Variants in SHC3 observed in about 807,000 individuals in gnomAD.
SHC3 encodes the protein SHC-transforming protein 3.
A neutral mutation model predicts 60.4 loss-of-function variants in SHC3; 15 were observed. The observed-to-expected ratio is 0.25, with a 90% confidence interval of 0.17 to 0.38. The LOEUF is 0.38. SHC3 is among the 10% of genes least tolerant of loss of function. The pLI, the probability that SHC3 is intolerant of heterozygous loss-of-function variation, is 1.00. For missense variants in SHC3, 677 were observed against 786.1 expected (o/e 0.86, Z 1.66); for synonymous variants, 294 against 325.9 (o/e 0.90, Z 1.05).
chr9:89,097,841 T>C (rs1410750328), intron 2 of SHC3, among the ~76,000 whole-genome samples: 3 of 152,222 alleles, frequency 2.0e-5, no homozygotes, highest in Non-Finnish European at 4.4e-5. Flanking sequence ...TTGTGCTTTT[T>C]CAATAATAAA....
Position 89,177,991 on chromosome 9 carries a change from ACCACGTAGGTGACTC to A in SHC3, c.455_469del (p.Gly152_Val156del). 1 of 1,228,436 alleles carries A rather than the reference ACCACGTAGGTGACTC, an allele frequency of 8.1e-7. No individual in the cohort carries two copies. The highest frequency in any genetic ancestry group is 1.0e-6 in the Non-Finnish European group (1 of 986,238). 76.1% of individuals were successfully genotyped at this position (1,228,436 alleles called of 1,614,324 possible). A position where few individuals can be genotyped will look rare whatever the true frequency, so the allele number is the denominator to read the frequency against. On this transcript the variant is annotated inframe_deletion, in exon 1 of 12. Transcript: ENST00000375835. ...GCGGCCCGCGCCCGCACCCACCTTG[ACCACGTAGGTGACTC>A]CGGGCCCCAGCACCTGGTCGCTGGC...
chr9:89,055,181 G>T (rs1047248113), intron 6 of SHC3, among the ~76,000 whole-genome samples: 4 of 152,270 alleles, frequency 2.6e-5, no homozygotes, highest in African/African-American at 4.8e-5. Context: ...GTTAACAGTG[G>T]TGAATGAGAA....
intron 1 of SHC3, among the ~76,000 whole-genome samples, chr9:89,133,770 G>A (rs925927910): frequency 2.0e-5 from 3 of 152,142 alleles, no homozygotes; most frequent in Non-Finnish European, 2.9e-5. Context: ...ATGGGGTGGG[G>A]GGAGCTGGGA....
intron 1 of SHC3, among the ~76,000 whole-genome samples, chr9:89,164,784 A>C (rs1055999824): frequency 6.6e-6 from 1 of 152,212 alleles, no homozygotes; most frequent in East Asian, 1.9e-4. Flanking sequence ...AATTTTCTTA[A>C]CTTGTAAAAA....
intron 4 of SHC3, among the ~76,000 whole-genome samples, chr9:89,072,713 G>A (rs570625421): frequency 3.3e-5 from 5 of 152,118 alleles, no homozygotes; most frequent in East Asian, 1.9e-4. Context: ...GTAAATTTCC[G>A]GGGGTGAGAA....
At chr9:89,092,882 T>A (rs537856510) in intron 2 of SHC3, among the ~76,000 whole-genome samples, 16 of 152,268 alleles carry the variant, frequency 1.1e-4, no homozygotes, top group African/African-American at 3.4e-4. Flanking sequence ...TGTTTTAATT[T>A]AAAAAAATAA....
chr9:89,087,382 G>A (rs1825547706), intron 2 of SHC3, among the ~76,000 whole-genome samples: 1 of 152,172 alleles, frequency 6.6e-6, no homozygotes, highest in South Asian at 2.1e-4. Flanking sequence ...ACTAACCACA[G>A]CAAATCAGAA....
At chr9:89,120,190 T>G (rs1216839295) in intron 1 of SHC3, among the ~76,000 whole-genome samples, 1 of 152,138 alleles carries the variant, frequency 6.6e-6, no homozygotes, top group East Asian at 1.9e-4. Context: ...AATAATATTT[T>G]TATAACAAGA....
chr9:89,170,658 T>C (rs922827755), intron 1 of SHC3, among the ~76,000 whole-genome samples: 3 of 152,098 alleles, frequency 2.0e-5, no homozygotes, highest in Non-Finnish European at 4.4e-5. Context: ...AATAAACAAG[T>C]GCATATGCTA....
chr9:89,053,624 T>C (rs377027491), intron 6 of SHC3, among the ~76,000 whole-genome samples: 2 of 152,280 alleles, frequency 1.3e-5, no homozygotes, highest in African/African-American at 4.8e-5. Flanking sequence ...TGGGGGGCAA[T>C]GCAACCCCTT....
chr9:89,044,337 T>A (rs768699885), intron 9 of SHC3, among the ~76,000 whole-genome samples: 1 of 152,366 alleles, frequency 6.6e-6, no homozygotes, highest in East Asian at 1.9e-4. Flanking sequence ...CCAGGCCTTA[T>A]GTTTTATTGA....
chr9:89,066,846 T>A (rs1343581815), intron 5 of SHC3, among the ~76,000 whole-genome samples: 2 of 152,034 alleles, frequency 1.3e-5, no homozygotes, highest in Non-Finnish European at 2.9e-5. Flanking sequence ...GAGAGAGAGA[T>A]GAGGGAGAGA....
chr9:89,142,896 G>A (rs890330291), intron 1 of SHC3, among the ~76,000 whole-genome samples: 5 of 151,866 alleles, frequency 3.3e-5, no homozygotes, highest in South Asian at 2.1e-4. Context: ...AGATGTTACC[G>A]GACCCCACCA....
intron 1 of SHC3, among the ~76,000 whole-genome samples, chr9:89,128,141 G>GA (rs536562645): frequency 6.6e-6 from 1 of 151,986 alleles, no homozygotes; most frequent in Non-Finnish European, 1.5e-5. Context: ...ATCAGAAAAA[G>GA]AAAAAATATA....
At position 89,032,914 on chromosome 9, in the gene SHC3, T is replaced by C. The variant is rs142100724; in HGVS notation, c.1656+5079A>G. On this transcript the variant is annotated intron_variant, in intron 11 of 11. Transcript: ENST00000375835. ...TTTTGGTGTCCCCACAGCAAGAATG[T>C]GATGTTACATTTTTAATTAAGTCTT... Among the ~76,000 whole-genome samples, 688 of 152,290 alleles carry C rather than the reference T, an allele frequency of 4.5e-3. 5 individuals are homozygous for C. The highest frequency in any genetic ancestry group is 0.016 in the African/African-American group (662 of 41,562).
rs749276024 is a variant in SHC3 at position 89,178,040 on chromosome 9, C to T, written c.421G>A (p.Ala141Thr). The T allele has an allele frequency of 2.4e-6, 3 of 1,229,462 alleles. No homozygotes were observed. The highest frequency in any genetic ancestry group is 1.0e-6 in the Non-Finnish European group (1 of 986,656). The allele number at this position is 1,229,462 out of a possible 1,614,324, so 76.2% of individuals were successfully genotyped here. The change falls in exon 1 of 12, where the codon GCG becomes ACG. Residue 141 changes from alanine to threonine, a missense_variant. Transcript: ENST00000375835. This position sits in a 1 kb window ranked among gnomAD's most constrained non-coding sequence, Gnocchi z 6.9. ...AGCACCTGGTCGCTGGCGTGCGGCGCCCCCCGAGGGGGCCTGGGCAGCGGC... is the reference window on the plus strand; with the variant it reads ...AGCACCTGGTCGCTGGCGTGCGGCGTCCCCCGAGGGGGCCTGGGCAGCGGC... ...DEPLPRPPRG[A>T]PHASDQVLGP... is the part of the protein sequence containing the mutation.
intron 1 of SHC3, among the ~76,000 whole-genome samples, chr9:89,169,967 G>A (rs1420731964): frequency 1.3e-5 from 2 of 152,074 alleles, no homozygotes; most frequent in Non-Finnish European, 2.9e-5. Flanking sequence ...GGCGGGTTAG[G>A]CTCCCTCACC....
chr9:89,103,174 G>A (rs1173097392), intron 2 of SHC3, among the ~76,000 whole-genome samples: 1 of 152,188 alleles, frequency 6.6e-6, no homozygotes, highest in Non-Finnish European at 1.5e-5. Context: ...TTAATAGGGA[G>A]TCATATGTTT....
At chr9:89,114,373 G>A (rs1564154749) in intron 1 of SHC3, among the ~76,000 whole-genome samples, 1 of 152,008 alleles carries the variant, frequency 6.6e-6, no homozygotes, top group Non-Finnish European at 1.5e-5. Context: ...GACGTATACA[G>A]TTAGCCCTAC....
Sources: allele counts gnomAD v4.1 joint callset (sites outside exome capture counted in the v4.1 genomes callset), GRCh38; gene constraint gnomAD v4.1.1; non-coding constraint Gnocchi (gnomAD v3.1); transcripts MANE v1.5; gene names NCBI Gene and HGNC (gene_info 2026-07-23, HGNC 2026-07-21).